Variants in TMPRSS12 observed in about 807,000 individuals in gnomAD.
The protein encoded by TMPRSS12 is transmembrane serine protease 12.
A neutral mutation model predicts 26.0 loss-of-function variants in TMPRSS12; 25 were observed. That is an observed-to-expected ratio of 0.96 (90% CI 0.70 to 1.34). The LOEUF (loss-of-function observed/expected upper bound fraction) is 1.34, where lower values mean the gene tolerates loss of function less well. TMPRSS12 is among the 40% of genes most tolerant of loss of function. The probability of loss-of-function intolerance (pLI) is 0.00; values close to 1 mark genes in which losing one functional copy is unlikely to be tolerated. For missense variants in TMPRSS12, 441 were observed against 440.1 expected (o/e 1.00, Z -0.02); for synonymous variants, 150 against 161.7 (o/e 0.93, Z 0.55).
chr12:50,849,112 C>T (rs888009306), intron 2 of TMPRSS12, among the ~76,000 whole-genome samples: 10 of 152,128 alleles, frequency 6.6e-5, no homozygotes, highest in Admixed American at 2.0e-4. Context: ...TTTCCTACCT[C>T]GGCCTTCCAA....
chr12:50,853,364 C>G (rs1343224652), intron 2 of TMPRSS12, among the ~76,000 whole-genome samples: 1 of 151,750 alleles, frequency 6.6e-6, no homozygotes, highest in East Asian at 1.9e-4. Flanking sequence ...AATGCCCACA[C>G]CAAAATTAGA....
chr12:50,858,740 A>G, intron 2 of TMPRSS12, 45 bp from the exon 3 acceptor site: 1 of 1,377,650 alleles, frequency 7.3e-7, no homozygotes, highest in Non-Finnish European at 9.6e-7. Context: ...ATATGTACTT[A>G]GTTAATTAAA....
chr12:50,882,624 C>A (rs536546624), intron 3 of TMPRSS12, among the ~76,000 whole-genome samples: 2 of 25,880 alleles, frequency 7.7e-5, no homozygotes, highest in African/African-American at 1.3e-4. Flanking sequence ...AATTTTAGTA[C>A]TTAGACAAAA....
At chr12:50,887,123 G>A in intron 4 of TMPRSS12, 139 bp from the exon 5 acceptor site, 1 of 917,642 alleles carries the variant, frequency 1.1e-6, no homozygotes, top group Non-Finnish European at 1.6e-6. Context: ...TCAAAATCTA[G>A]TGATCTTTAT....
At chr12:50,861,655 A>G (rs1937936550) in intron 3 of TMPRSS12, among the ~76,000 whole-genome samples, 1 of 152,204 alleles carries the variant, frequency 6.6e-6, no homozygotes. Context: ...ACCCCCAGCA[A>G]CACTACAGAA....
chr12:50,876,534 G>T (rs1938114373), intron 3 of TMPRSS12, among the ~76,000 whole-genome samples: 1 of 152,208 alleles, frequency 6.6e-6, no homozygotes, highest in Admixed American at 6.5e-5. Context: ...GCCGGGTGCG[G>T]TGGCTCACGC....
chr12:50,857,190 C>T (rs1435140099), intron 2 of TMPRSS12, among the ~76,000 whole-genome samples: 3 of 152,104 alleles, frequency 2.0e-5, no homozygotes, highest in Non-Finnish European at 4.4e-5. Context: ...AATTATATAA[C>T]ATAAGCATTT....
chr12:50,867,086 C>G (rs767436847), intron 3 of TMPRSS12, among the ~76,000 whole-genome samples: 5 of 152,084 alleles, frequency 3.3e-5, no homozygotes, highest in Non-Finnish European at 5.9e-5. Context: ...TTAACACTCC[C>G]CAAAAAATCA....
At chr12:50,845,541 G>T (rs1007027038) in intron 2 of TMPRSS12, among the ~76,000 whole-genome samples, 3 of 152,106 alleles carry the variant, frequency 2.0e-5, no homozygotes, top group Non-Finnish European at 4.4e-5. Context: ...TTTTAAATAA[G>T]TCCAAAATGG....
intron 3 of TMPRSS12, among the ~76,000 whole-genome samples, chr12:50,871,127 C>T (rs1375816858): frequency 2.0e-5 from 3 of 151,946 alleles, no homozygotes; most frequent in African/African-American, 4.8e-5. Flanking sequence ...AAAAAAGAGC[C>T]CACAAAGCCA....
rs1319446584 is a variant in TMPRSS12, at chr12:50,857,808, CGTT to C, written c.384-971_384-969del. On this transcript the variant is annotated intron_variant, in intron 2 of 4. Transcript: ENST00000398458. ...AGTTTTTTGTTGTTGTTGTTGTTGT[CGTT>C]GTTGTCGTTGTTGTTGTTGTTGTTG... 9.5e-3 allele frequency among the ~76,000 whole-genome samples: 1,403 copies of C among 147,408 alleles called. 28 individuals carry two copies. Among genetic ancestry groups the C allele is most frequent in the African/African-American group, 0.034 (1,330 of 38,572 alleles).
At chr12:50,857,258 T>A (rs1937887037) in intron 2 of TMPRSS12, among the ~76,000 whole-genome samples, 1 of 152,218 alleles carries the variant, frequency 6.6e-6, no homozygotes, top group Non-Finnish European at 1.5e-5. Flanking sequence ...ATGCCAAAAT[T>A]TCTGTGGTAA....
chr12:50,874,041 A>C (rs1014396999), intron 3 of TMPRSS12, among the ~76,000 whole-genome samples: 1 of 152,192 alleles, frequency 6.6e-6, no homozygotes, highest in Non-Finnish European at 1.5e-5. Context: ...GAAGAAATGA[A>C]TATCTGAATA....
intron 3 of TMPRSS12, among the ~76,000 whole-genome samples, chr12:50,880,936 C>A: frequency 7.1e-6 from 1 of 141,136 alleles, no homozygotes. Flanking sequence ...CAAGAAAAGG[C>A]AAACCTATAG....
At chr12:50,860,088 A>G (rs1937920661) in intron 3 of TMPRSS12, among the ~76,000 whole-genome samples, 1 of 152,242 alleles carries the variant, frequency 6.6e-6, no homozygotes, top group African/African-American at 2.4e-5. Flanking sequence ...CTTGAACGTT[A>G]AGATAGAATG....
rs1022617811 is a variant in TMPRSS12 at position 50,871,918 on chromosome 12, T to C, written c.652+12865T>C. 3.9e-4 allele frequency among the ~76,000 whole-genome samples: 53 copies of C among 137,550 alleles called. 1 individual carries two copies. The highest frequency in any genetic ancestry group is 1.6e-5 in the Non-Finnish European group (1 of 62,864). The allele number at this position is 137,550 out of a possible 152,430, so 90.2% of individuals were successfully genotyped here. A position where few individuals can be genotyped will look rare whatever the true frequency, so the allele number is the denominator to read the frequency against. ...CTTACTCCTTCAAGAGTGGTCATAA[T>C]CAAAAAATTAAAAAAAAAAACAGTA... On this transcript the variant is annotated intron_variant, in intron 3 of 4. Coordinates refer to ENST00000398458, the MANE Select transcript of TMPRSS12 (RefSeq NM_182559.3).
intron 3 of TMPRSS12, among the ~76,000 whole-genome samples, chr12:50,872,649 C>CATATATATGACGTGTATATGTACAT (rs146159837): frequency 1.9e-5 from 1 of 52,466 alleles, no homozygotes; most frequent in African/African-American, 9.0e-5. Flanking sequence ...CGTATATGTA[C>CATATATATGACGTGTATATGTACAT]ATATATGACG....
chr12:50,883,546 T>C (rs1213118847), intron 3 of TMPRSS12, among the ~76,000 whole-genome samples: 3 of 151,926 alleles, frequency 2.0e-5, no homozygotes, highest in Admixed American at 2.0e-4. Flanking sequence ...TAGCTGGGTG[T>C]GGTGGTACAC....
chr12:50,853,079 A>G (rs1275227556), intron 2 of TMPRSS12, among the ~76,000 whole-genome samples: 2 of 152,338 alleles, frequency 1.3e-5, no homozygotes, highest in East Asian at 3.9e-4. Context: ...ACACTCAGCC[A>G]TAAGACAATT....
Sources: allele counts gnomAD v4.1 joint callset (sites outside exome capture counted in the v4.1 genomes callset), GRCh38; gene constraint gnomAD v4.1.1; transcripts MANE v1.5; gene names NCBI Gene and HGNC (gene_info 2026-07-23, HGNC 2026-07-21).